The following RPS23 variants were observed in gnomAD, a reference collection of about 807,000 sequenced individuals.
RPS23 encodes the protein small ribosomal subunit protein uS12.
For missense variants in RPS23, 73 were observed against 174.5 expected, an observed-to-expected ratio of 0.42 and a Z score of 3.28; for synonymous variants, 66 against 60.4, an observed-to-expected ratio of 1.09 and a Z score of -0.43.
At chr5:82,277,924 G>T (rs2112067565) in intron 1 of RPS23, 72 bp from the exon 2 acceptor site, 2 of 1,331,206 alleles carry the variant, frequency 1.5e-6, no homozygotes, top group South Asian at 2.5e-5. Context: ...TAAGACACTC[G>T]CCTCACCTGG....
intron 2 of RPS23, 115 bp from the exon 3 acceptor site, chr5:82,276,633 G>T: frequency 7.4e-7 from 1 of 1,354,690 alleles, no homozygotes; most frequent in East Asian, 2.3e-5. Context: ...AACCTCAAAT[G>T]GCTGAGCTGA....
At chr5:82,277,555 G>A (rs1747911372) in intron 2 of RPS23, 138 bp downstream of exon 2, 1 of 861,912 alleles carries the variant, frequency 1.2e-6, no homozygotes, top group Non-Finnish European at 1.9e-6. Context: ...TAGAACAAAC[G>A]CTTTGCAATT....
chr5:82,277,407 T>A, intron 2 of RPS23: 1 of 429,860 alleles, frequency 2.3e-6, no homozygotes, highest in Non-Finnish European at 4.2e-6. Context: ...GCCATTTACT[T>A]ATAACAACTC....
chr5:82,277,516 C>A, intron 2 of RPS23, 177 bp downstream of exon 2: 2 of 679,146 alleles, frequency 2.9e-6, no homozygotes, highest in South Asian at 1.7e-5. Context: ...CTACCTAATT[C>A]CCAAAAACTA....
chr5:82,277,241 A>C (rs1174765542), intron 2 of RPS23: 2 of 196,254 alleles, frequency 1.0e-5, no homozygotes, highest in African/African-American at 4.8e-5. Context: ...AATATGATAG[A>C]ACTATATGAA....
Position 82,276,017 on chromosome 5 carries a change from C to A in RPS23, c.*92G>T. 1 of 1,243,052 alleles carries A rather than the reference C, an allele frequency of 8.0e-7. No individual in the cohort carries two copies. The highest frequency in any genetic ancestry group is 1.1e-6 in the Non-Finnish European group (1 of 885,760). The allele number at this position is 1,243,052 out of a possible 1,614,324, so 77.0% of individuals were successfully genotyped here. A position where few individuals can be genotyped will look rare whatever the true frequency, so the allele number is the denominator to read the frequency against. ...AAGGGGGGGTGGTGGTGGTAATGAA[C>A]ATGATCTTCGTGGTGAGAACAGGGG... is the stretch of plus-strand genomic sequence containing the variant. On this transcript the variant is annotated 3_prime_UTR_variant, in exon 4 of 4. Coordinates refer to ENST00000296674, the MANE Select transcript of RPS23 (RefSeq NM_001025.5).
chr5:82,276,237 C>T lies in RPS23; in HGVS notation c.304G>A (p.Val102Ile). ...TGACCTTTGCGACCAAATCCAGCAA[C>T]CAGAACTTCATCATTTTCCTGGAAT... The part of the protein sequence containing the change: ...NFIEENDEVL[V>I]AGFGRKGHAV... Residue 102 changes from valine (V) to isoleucine (I), a missense_variant, in exon 4 of 4, where the codon GTT becomes ATT. Transcript: ENST00000296674. 6.2e-7 allele frequency: 1 copy of T among 1,613,380 alleles called. No individual in the cohort carries two copies. Among genetic ancestry groups the T allele is most frequent in the Non-Finnish European group, 8.5e-7 (1 of 1,179,764 alleles).
chr5:82,273,510 C>T lies in RPS23; in HGVS notation c.*2599G>A, dbSNP rs1388330232. 1 of 149,034 alleles carries T rather than the reference C, an allele frequency of 6.7e-6. No homozygotes were observed. Among genetic ancestry groups the T allele is most frequent in the African/African-American group, 2.6e-5 (1 of 38,504 alleles). 9.2% of individuals were successfully genotyped at this position (149,034 alleles called of 1,614,324 possible). A position where few individuals can be genotyped will look rare whatever the true frequency, so the allele number is the denominator to read the frequency against. ...GGGTTTCATGCACTGGTACAGAACA[C>T]AACAGGGAGTTTCACAATTTTTTTA... is the stretch of plus-strand genomic sequence containing the variant. On this transcript the variant is annotated 3_prime_UTR_variant, in exon 4 of 4. Coordinates refer to ENST00000296674, the MANE Select transcript of RPS23 (RefSeq NM_001025.5).
chr5:82,277,588 ATAC>A (rs1747918681), intron 2 of RPS23, 102 bp downstream of exon 2: 6 of 1,131,082 alleles, frequency 5.3e-6, no homozygotes, highest in Admixed American at 1.8e-5. Context: ...GCCCAAATGA[ATAC>A]TACTACACAA....
Position 82,277,715 on chromosome 5 carries a change from T to G in RPS23, c.142A>C (p.Lys48Gln). ...TACACTTTTTCCAGCACGATTCCTTTTGCATGAGAAGCACCTCCAAAAGGG... is the reference window on the plus strand; with the variant it reads ...TACACTTTTTCCAGCACGATTCCTTGTGCATGAGAAGCACCTCCAAAAGGG... ...ANPFGGASHA[K>Q]GIVLEKVGVE... is the part of the protein sequence containing the mutation. The change falls in exon 2 of 4, where the codon AAA (lysine) becomes CAA (glutamine). Residue 48 changes from lysine (K) to glutamine (Q), a missense_variant. Transcript: ENST00000296674. The G allele has an allele frequency of 1.2e-6, 2 of 1,614,010 alleles. No homozygotes were observed.
At position 82,275,224 on chromosome 5, in the gene RPS23, G is replaced by A. The variant is rs1467874703; in HGVS notation, c.*885C>T. 7.1e-6 allele frequency: 5 copies of A among 702,586 alleles called. No homozygotes were observed. The highest frequency in any genetic ancestry group is 5.9e-5 in the South Asian group (4 of 67,598). The allele number at this position is 702,586 out of a possible 1,614,324, so 43.5% of individuals were successfully genotyped here. A position where few individuals can be genotyped will look rare whatever the true frequency, so the allele number is the denominator to read the frequency against. Reference sequence around the variant, plus strand: ...CCATACTTACTATTTGTTAACAGGAGTTTCTTACATCAGATTTAAAGCAGA... The same window carrying A: ...CCATACTTACTATTTGTTAACAGGAATTTCTTACATCAGATTTAAAGCAGA... On this transcript the variant is annotated 3_prime_UTR_variant, in exon 4 of 4. Coordinates refer to ENST00000296674, the MANE Select transcript of RPS23 (RefSeq NM_001025.5).
chr5:82,277,802 C>A lies in RPS23; in HGVS notation c.55G>T (p.Asp19Tyr). Residue 19 changes from aspartate (D) to tyrosine (Y), a missense_variant, in exon 2 of 4, where the codon GAC becomes TAC. Transcript: ENST00000296674. ...TACTGTTTATCATGCCACTTCTGGT[C>A]TCGTCGGTGACTACGGAGCTTCCTA... ...TARKLRSHRR[D>Y]QKWHDKQYKK... is the part of the protein sequence containing the mutation. The A allele has an allele frequency of 1.2e-6, 2 of 1,613,970 alleles. No homozygotes were observed. The highest frequency in any genetic ancestry group is 1.7e-6 in the Non-Finnish European group (2 of 1,179,842).
chr5:82,278,059 C>T lies in RPS23; in HGVS notation c.5-207G>A, dbSNP rs1010283820. ...GAGGGCTCCGGAGAATGTGTTCTCCCGAAGGACGAGGCCCCGCTCGAATGC... is the reference window on the plus strand; with the variant it reads ...GAGGGCTCCGGAGAATGTGTTCTCCTGAAGGACGAGGCCCCGCTCGAATGC... On this transcript the variant is annotated intron_variant, in intron 1 of 3. Coordinates refer to ENST00000296674, the MANE Select transcript of RPS23 (RefSeq NM_001025.5). The T allele has an allele frequency of 6.1e-6, 4 of 658,874 alleles. No homozygotes were observed. The Middle Eastern group carries it at 1.6e-3, about 268-fold the overall frequency. 40.8% of individuals were successfully genotyped at this position (658,874 alleles called of 1,614,324 possible). A position where few individuals can be genotyped will look rare whatever the true frequency, so the allele number is the denominator to read the frequency against.
chr5:82,275,388 C>A lies in RPS23; in HGVS notation c.*721G>T. 2 of 695,506 alleles carry A rather than the reference C, an allele frequency of 2.9e-6. No individual in the cohort carries two copies. Among genetic ancestry groups the A allele is most frequent in the South Asian group, 1.5e-5 (1 of 66,620 alleles). 43.1% of individuals were successfully genotyped at this position (695,506 alleles called of 1,614,324 possible). On this transcript the variant is annotated 3_prime_UTR_variant, in exon 4 of 4. Transcript: ENST00000296674. ...CAACCAATCTTGTCTCTACACTAAACCACTTCATTTGCTGACTAGTCTTTG... is the reference window on the plus strand; with the variant it reads ...CAACCAATCTTGTCTCTACACTAAAACACTTCATTTGCTGACTAGTCTTTG...
chr5:82,277,610 A>C, intron 2 of RPS23, 83 bp downstream of exon 2: 2 of 1,370,512 alleles, frequency 1.5e-6, no homozygotes, highest in Admixed American at 1.7e-5. Context: ...AAAAACCTGC[A>C]ATTACTTTCA....
In RPS23 at chr5:82,276,252, T is replaced by C; in HGVS notation, c.289A>G (p.Asn97Asp). Residue 97 changes from asparagine to aspartate, a missense_variant, in exon 4 of 4, where the codon AAT becomes GAT. Physicochemically the swap from Asn to Asp is conservative, Grantham distance 23. Transcript: ENST00000296674. ...AATCCAGCAACCAGAACTTCATCATTTTCCTGGAATAAAATAAGAAGTTTA... is the reference window on the plus strand; with the variant it reads ...AATCCAGCAACCAGAACTTCATCATCTTCCTGGAATAAAATAAGAAGTTTA... ...NDGCLNFIEE[N>D]DEVLVAGFGR... The C allele has an allele frequency of 6.2e-7, 1 of 1,613,440 alleles. No individual in the cohort carries two copies.
Position 82,275,174 on chromosome 5 carries a change from G to C in RPS23, c.*935C>G. The stretch of plus-strand genomic sequence containing the variant: ...AAAGATCCTAAACAATGTAAAGCTA[G>C]GCTTTGATCAAAGGGCTAATTAACC... On this transcript the variant is annotated 3_prime_UTR_variant, in exon 4 of 4. Coordinates refer to ENST00000296674, the MANE Select transcript of RPS23 (RefSeq NM_001025.5). 1 of 700,848 alleles carries C rather than the reference G, an allele frequency of 1.4e-6. No homozygotes were observed. The highest frequency in any genetic ancestry group is 2.6e-6 in the Non-Finnish European group (1 of 384,120). 43.4% of individuals were successfully genotyped at this position (700,848 alleles called of 1,614,324 possible). A position where few individuals can be genotyped will look rare whatever the true frequency, so the allele number is the denominator to read the frequency against.
At position 82,273,599 on chromosome 5, in the gene RPS23, G is replaced by A. The variant is rs1747707533; in HGVS notation, c.*2510C>T. 1 of 147,056 alleles carries A rather than the reference G, an allele frequency of 6.8e-6. No homozygotes were observed. Among genetic ancestry groups the A allele is most frequent in the East Asian group, 1.9e-4 (1 of 5,196 alleles). 9.1% of individuals were successfully genotyped at this position (147,056 alleles called of 1,614,324 possible). The stretch of plus-strand genomic sequence containing the variant: ...GTCGTAAGTTGATTTTTAACTACTA[G>A]GTTTAGGCCAGGCAGGCCCAGGGCT... On this transcript the variant is annotated 3_prime_UTR_variant, in exon 4 of 4. Coordinates refer to ENST00000296674, the MANE Select transcript of RPS23 (RefSeq NM_001025.5).
chr5:82,274,126 T>C lies in RPS23; in HGVS notation c.*1983A>G, dbSNP rs975207578. ...GACAAATGGAAGTCCACAACATTTA[T>C]TGAAACTCTTCTTCCTCCATTGGTT... On this transcript the variant is annotated 3_prime_UTR_variant, in exon 4 of 4. Coordinates refer to ENST00000296674, the MANE Select transcript of RPS23 (RefSeq NM_001025.5). 4 of 152,234 alleles carry C rather than the reference T, an allele frequency of 2.6e-5. No homozygotes were observed. In the East Asian group the frequency reaches 7.7e-4, roughly 29 times the overall value. The allele number at this position is 152,234 out of a possible 1,614,324, so 9.4% of individuals were successfully genotyped here.
Sources: gnomAD v4.1 joint callset for allele counts on GRCh38, gnomAD v4.1.1 for gene constraint, MANE v1.5 for transcripts, NCBI Gene and HGNC (gene_info 2026-07-23, HGNC 2026-07-21) for gene names.